LTBP2: variants seen among roughly 807,000 people sequenced by gnomAD.
LTBP2 encodes latent-transforming growth factor beta-binding protein 2.
A neutral mutation model predicts 210.6 loss-of-function variants in LTBP2; 103 were observed. The ratio of observed to expected loss-of-function variants is 0.49; its 90% CI spans 0.42 to 0.58. The LOEUF is 0.58. Among genes scored for constraint, LTBP2 ranks in the 20% least tolerant of loss-of-function variants. The probability of loss-of-function intolerance (pLI) is 0.00; values close to 1 mark genes in which losing one functional copy is unlikely to be tolerated. For missense variants in LTBP2, 2,313 were observed against 2,494.5 expected (o/e 0.93, Z 1.55); for synonymous variants, 1,007 against 1,015.0 (o/e 0.99, Z 0.15).
At chr14:74,582,669 A>G (rs777478265) in intron 3 of LTBP2, among the ~76,000 whole-genome samples, 7 of 152,152 alleles carry the variant, frequency 4.6e-5, no homozygotes, top group Non-Finnish European at 8.8e-5. Context: ...GGTGAGTGCT[A>G]AATCCAGAAT....
Position 74,551,365 on chromosome 14 carries a change from T to G in LTBP2, c.1400-15A>C. 5 of 1,548,744 alleles carry G rather than the reference T, an allele frequency of 3.2e-6. No individual in the cohort carries two copies. Among genetic ancestry groups the G allele is most frequent in the Non-Finnish European group, 4.4e-6 (5 of 1,145,890 alleles). On this transcript the variant is annotated splice_polypyrimidine_tract_variant and intron_variant, in intron 6 of 35. Transcript: ENST00000261978. ...GTTCACGGAGGCTGGGCACAGGGGCTAGAGTCAGAGCCAGGGAAGCAGGGC... is the reference window on the plus strand; with the variant it reads ...GTTCACGGAGGCTGGGCACAGGGGCGAGAGTCAGAGCCAGGGAAGCAGGGC...
intron 12 of LTBP2, among the ~76,000 whole-genome samples, chr14:74,528,013 C>G (rs960513456): frequency 6.6e-6 from 1 of 152,200 alleles, no homozygotes; most frequent in Admixed American, 6.5e-5. Flanking sequence ...GCAAGGAGAG[C>G]CTCATACCCA....
intron 16 of LTBP2, 108 bp from the exon 17 acceptor site, chr14:74,522,147 T>A (rs934079234): frequency 3.2e-5 from 43 of 1,345,840 alleles, no homozygotes; most frequent in Admixed American, 2.0e-5. Context: ...GATGGTGCTG[T>A]GTGGCAAGGA....
intron 3 of LTBP2, among the ~76,000 whole-genome samples, chr14:74,577,397 C>T (rs528671887): frequency 6.6e-6 from 1 of 152,018 alleles, no homozygotes; most frequent in Admixed American, 6.6e-5. Flanking sequence ...GTGAGAGGCT[C>T]ACATGTTCTT....
At chr14:74,560,113 A>G (rs2087775562) in intron 3 of LTBP2, 1 of 152,220 alleles carries the variant, frequency 6.6e-6, no homozygotes, top group African/African-American at 2.4e-5. Context: ...ATTTTGGAAC[A>G]AAATTGGGGG....
intron 8 of LTBP2, among the ~76,000 whole-genome samples, chr14:74,544,700 C>A (rs769703793): frequency 6.6e-5 from 10 of 152,182 alleles, no homozygotes; most frequent in Non-Finnish European, 1.0e-4. Context: ...AATACATTTT[C>A]AAACATCTCT....
chr14:74,546,635 C>T (rs765753138), intron 8 of LTBP2, among the ~76,000 whole-genome samples: 124 of 152,264 alleles, frequency 8.1e-4, no homozygotes, highest in Non-Finnish European at 1.4e-3. Flanking sequence ...TGGGATGGGG[C>T]AGAGCGAGGG....
At chr14:74,562,782 T>C (rs12895882) in intron 3 of LTBP2, among the ~76,000 whole-genome samples, 55,874 of 152,050 alleles carry the variant, frequency 0.37, 12,444 homozygotes, top group Non-Finnish European at 0.51. Flanking sequence ...TGTGAGACTA[T>C]GCAGAAACAG....
At chr14:74,608,715 GAAA>G (rs5809673) in intron 1 of LTBP2, among the ~76,000 whole-genome samples, 1 of 116,278 alleles carries the variant, frequency 8.6e-6, no homozygotes, top group African/African-American at 3.3e-5. Context: ...TCAAAAAAAA[GAAA>G]AAAAAAAAAA....
chr14:74,559,399 G>A (rs1206754092), intron 3 of LTBP2, among the ~76,000 whole-genome samples: 1 of 152,136 alleles, frequency 6.6e-6, no homozygotes, highest in African/African-American at 2.4e-5. Flanking sequence ...GGCTCGTCGT[G>A]GAGTAAAGGA....
At chr14:74,576,942 C>T (rs1273178872) in intron 3 of LTBP2, among the ~76,000 whole-genome samples, 1 of 152,268 alleles carries the variant, frequency 6.6e-6, no homozygotes, top group African/African-American at 2.4e-5. Context: ...ATTCTCACAA[C>T]ATCCCAGTGA....
At chr14:74,504,901 C>A (rs771998512) in intron 29 of LTBP2, 40 bp from the exon 30 acceptor site, 1 of 1,612,642 alleles carries the variant, frequency 6.2e-7, no homozygotes, top group South Asian at 1.1e-5. Flanking sequence ...GGGGAGGGCC[C>A]TGCCCCCTTC....
chr14:74,552,072 T>C, intron 6 of LTBP2, 115 bp downstream of exon 6: 1 of 968,304 alleles, frequency 1.0e-6, no homozygotes, highest in Non-Finnish European at 1.6e-6. Context: ...GGAGGTTTGA[T>C]CATAAAGGAA....
Position 74,586,147 on chromosome 14 carries a change from A to G in LTBP2, c.566-29T>C, listed in dbSNP as rs1241412216. The G allele has an allele frequency of 6.3e-7, 1 of 1,578,766 alleles. No individual in the cohort carries two copies. Among genetic ancestry groups the G allele is most frequent in the Non-Finnish European group, 8.6e-7 (1 of 1,163,816 alleles). Reference sequence around the variant, plus strand: ...AGGACACAGGGAGAGAGGTGACAGCAGTGGCCATAGGGCACTGAGACCACA... The same window carrying G: ...AGGACACAGGGAGAGAGGTGACAGCGGTGGCCATAGGGCACTGAGACCACA... On this transcript the variant is annotated intron_variant, in intron 2 of 35. Transcript: ENST00000261978. The surrounding 1 kb of genome is among the most constrained non-coding windows in gnomAD (Gnocchi z 4.6).
intron 2 of LTBP2, among the ~76,000 whole-genome samples, chr14:74,587,322 G>A (rs960646315): frequency 2.0e-5 from 3 of 152,030 alleles, no homozygotes; most frequent in Admixed American, 2.0e-4. Context: ...GGGGCTTGCG[G>A]TCGAGTAAAG....
chr14:74,571,888 AT>A (rs1022701738), intron 3 of LTBP2, among the ~76,000 whole-genome samples: 1 of 151,530 alleles, frequency 6.6e-6, no homozygotes, highest in Non-Finnish European at 1.5e-5. Flanking sequence ...AGGAACAGGG[AT>A]TTTTTTTCTT....
intron 8 of LTBP2, among the ~76,000 whole-genome samples, chr14:74,546,587 G>A (rs1045358017): frequency 2.0e-5 from 3 of 152,224 alleles, no homozygotes; most frequent in East Asian, 1.9e-4. Context: ...TGCCCAGCGC[G>A]CTGAGATGTT....
intron 25 of LTBP2, 42 bp downstream of exon 25, chr14:74,507,931 A>G (rs920541919): frequency 6.2e-7 from 1 of 1,610,704 alleles, no homozygotes; most frequent in Non-Finnish European, 8.5e-7. Flanking sequence ...AGAGATGGGC[A>G]GATGTGGGCA....
In LTBP2 at chr14:74,552,151, C is replaced by T. The variant is rs758704231; in HGVS notation, c.1399+36G>A. 6.4e-6 allele frequency: 10 copies of T among 1,553,864 alleles called. No individual in the cohort carries two copies. The African/African-American group carries it at 1.1e-4, about 17-fold the overall frequency. On this transcript the variant is annotated intron_variant, in intron 6 of 35. Coordinates refer to ENST00000261978, the MANE Select transcript of LTBP2 (RefSeq NM_000428.3). ...AGCCTCCACCCAACTGGCACTCCTC[C>T]CAGGGTCCCGCCGGCCCAGCTGTGC...
Sources: gnomAD v4.1 joint callset for allele counts (sites outside exome capture counted in the v4.1 genomes callset) on GRCh38, gnomAD v4.1.1 for gene constraint, Gnocchi (gnomAD v3.1) non-coding constraint, MANE v1.5 for transcripts, NCBI Gene and HGNC (gene_info 2026-07-23, HGNC 2026-07-21) for gene names.